Variants in TMPRSS15 observed in about 807,000 individuals in gnomAD.
TMPRSS15 encodes transmembrane serine protease 15.
TMPRSS15 carries 128 observed loss-of-function variants against 125.3 expected under a neutral mutation model. The observed-to-expected ratio is 1.02, with a 90% CI of 0.89 to 1.18. The LOEUF (loss-of-function observed/expected upper bound fraction) is 1.18, where lower values mean the gene tolerates loss of function less well. Ranked by LOEUF, TMPRSS15 falls within the 50% of genes most tolerant of loss-of-function variation. The pLI, the probability that TMPRSS15 is intolerant of heterozygous loss-of-function variation, is 0.00. For synonymous variants in TMPRSS15, 446 were observed against 423.2 expected, an observed-to-expected ratio of 1.05 and a Z score of -0.66; for missense variants, 1,283 against 1,212.7, an observed-to-expected ratio of 1.06 and a Z score of -0.86.
At chr21:18,372,995 TA>T (rs777027841) in intron 5 of TMPRSS15, among the ~76,000 whole-genome samples, 12 of 152,272 alleles carry the variant, frequency 7.9e-5, no homozygotes, top group East Asian at 1.9e-4. Context: ...TAAAGACTTT[TA>T]AAAAAAATTT....
chr21:18,297,952 AT>A (rs2146906578), intron 18 of TMPRSS15, 123 bp from the exon 19 acceptor site: 3 of 685,580 alleles, frequency 4.4e-6, no homozygotes, highest in Non-Finnish European at 7.5e-6. Context: ...AGCCAAAAAA[AT>A]GAACGTTTTA....
chr21:18,424,812 T>A (rs959628035), intron 1 of TMPRSS15, among the ~76,000 whole-genome samples: 1 of 150,344 alleles, frequency 6.7e-6, no homozygotes. Flanking sequence ...TTATATGCTA[T>A]TTGTTGTGTT....
chr21:18,405,043 C>G (rs2076139673), upstream of TMPRSS15, among the ~76,000 whole-genome samples: 1 of 151,970 alleles, frequency 6.6e-6, no homozygotes, highest in African/African-American at 2.4e-5. Flanking sequence ...ACAAAAAGCG[C>G]CTCTTGAATT....
At chr21:18,402,563 CATATAT>C (rs568712096) in intron 1 of TMPRSS15, among the ~76,000 whole-genome samples, 6 of 147,950 alleles carry the variant, frequency 4.1e-5, no homozygotes, top group African/African-American at 1.5e-4. Flanking sequence ...TTTATATGCA[CATATAT>C]ATATATAAAG....
intron 7 of TMPRSS15, among the ~76,000 whole-genome samples, chr21:18,360,816 A>T (rs1283539291): frequency 6.6e-6 from 1 of 150,416 alleles, no homozygotes; most frequent in Admixed American, 6.6e-5. Flanking sequence ...TCTGTAAAAA[A>T]CCTCCATTGG....
chr21:18,312,058 CA>C (rs2075106375), intron 18 of TMPRSS15, among the ~76,000 whole-genome samples: 1 of 151,956 alleles, frequency 6.6e-6, no homozygotes, highest in South Asian at 2.1e-4. Context: ...ATATGACAAA[CA>C]AACTTTAAAT....
At chr21:18,458,721 A>T (rs1978489882) in intron 1 of TMPRSS15, among the ~76,000 whole-genome samples, 1 of 152,132 alleles carries the variant, frequency 6.6e-6, no homozygotes, top group Non-Finnish European at 1.5e-5. Flanking sequence ...ATGTCTCCAT[A>T]ACACCCATAG....
rs147119055 is a variant in TMPRSS15 at position 18,288,325 on chromosome 21, T to C, written c.2486+5945A>G. Among the ~76,000 whole-genome samples, 413 of 152,120 alleles carry C rather than the reference T, an allele frequency of 2.7e-3. 1 individual carries two copies. The highest frequency in any genetic ancestry group is 4.9e-3 in the Non-Finnish European group (332 of 67,984). On this transcript the variant is annotated intron_variant, in intron 21 of 24. Coordinates refer to ENST00000284885, the MANE Select transcript of TMPRSS15 (RefSeq NM_002772.3). ...TGTGGAATGATAGATCAGAGAGAGTTAGAAGGATGGCGCTGTGGGAGGCGG... is the reference window on the plus strand; with the variant it reads ...TGTGGAATGATAGATCAGAGAGAGTCAGAAGGATGGCGCTGTGGGAGGCGG...
intron 10 of TMPRSS15, among the ~76,000 whole-genome samples, chr21:18,350,818 G>A (rs981203270): frequency 2.6e-5 from 4 of 151,550 alleles, no homozygotes; most frequent in African/African-American, 9.7e-5. Context: ...TTTCATGAGA[G>A]CAGAAAATTT....
intron 5 of TMPRSS15, among the ~76,000 whole-genome samples, chr21:18,372,776 T>C (rs570525766): frequency 6.6e-6 from 1 of 152,366 alleles, no homozygotes; most frequent in African/African-American, 2.4e-5. Context: ...GGGGGTACAC[T>C]GTAAACACAC....
At chr21:18,449,894 CA>C (rs2076263935) in intron 1 of TMPRSS15, among the ~76,000 whole-genome samples, 3 of 151,656 alleles carry the variant, frequency 2.0e-5, no homozygotes, top group African/African-American at 4.8e-5. Context: ...CACACACACA[CA>C]CACACCTATA....
At chr21:18,351,158 G>T (rs1421531827) in intron 10 of TMPRSS15, among the ~76,000 whole-genome samples, 1 of 151,896 alleles carries the variant, frequency 6.6e-6, no homozygotes, top group African/African-American at 2.4e-5. Flanking sequence ...TAATTTTCAG[G>T]TCTTAAAATC....
chr21:18,456,745 T>C (rs1198260097), intron 1 of TMPRSS15, among the ~76,000 whole-genome samples: 2 of 152,080 alleles, frequency 1.3e-5, no homozygotes, highest in Non-Finnish European at 2.9e-5. Context: ...ATAAAAGTAA[T>C]CAAAGCATAC....
chr21:18,396,833 T>TCTATCTAA (rs1432172196), intron 3 of TMPRSS15, among the ~76,000 whole-genome samples: 1 of 146,626 alleles, frequency 6.8e-6, no homozygotes, highest in Non-Finnish European at 1.5e-5. Context: ...TATCTATCTA[T>TCTATCTAA]CTATCTATCT....
intron 23 of TMPRSS15, 41 bp from the exon 24 acceptor site, chr21:18,275,377 T>G (rs2074607592): frequency 6.2e-7 from 1 of 1,611,374 alleles, no homozygotes; most frequent in Non-Finnish European, 8.5e-7. Flanking sequence ...TCAGAAGTGA[T>G]CAACATGCAT....
chr21:18,404,283 G>A (rs1241259307), upstream of TMPRSS15, among the ~76,000 whole-genome samples: 1 of 152,192 alleles, frequency 6.6e-6, no homozygotes, highest in Non-Finnish European at 1.5e-5. Flanking sequence ...ATAAGGGAAA[G>A]TACACTTAAA....
chr21:18,364,382 G>A (rs1198104197), intron 7 of TMPRSS15, among the ~76,000 whole-genome samples: 2 of 152,044 alleles, frequency 1.3e-5, no homozygotes, highest in African/African-American at 4.8e-5. Flanking sequence ...AGTTTTCATT[G>A]GAGACTTACA....
chr21:18,312,953 C>T lies in TMPRSS15; in HGVS notation c.2157G>A (p.Leu719=). Residue 719 remains leucine, a synonymous_variant, in exon 18 of 25, where the codon CTG becomes CTA. Transcript: ENST00000284885. ...TCAGTAGAATTACTTACCCTAGTCC[C>T]AGCAGTTGACAAACATCATTTGAAA... ...TQISNDVCQL[L]GLGSGNSSKP... 6.2e-7 allele frequency: 1 copy of T among 1,613,780 alleles called. No individual in the cohort carries two copies. The highest frequency in any genetic ancestry group is 1.1e-5 in the South Asian group (1 of 91,050).
At chr21:18,475,181 T>C (rs1978856066) in intron 1 of TMPRSS15, among the ~76,000 whole-genome samples, 1 of 152,236 alleles carries the variant, frequency 6.6e-6, no homozygotes, top group Non-Finnish European at 1.5e-5. Context: ...ACTTCAGTCA[T>C]GTATAAATGC....
Sources: allele counts gnomAD v4.1 joint callset (sites outside exome capture counted in the v4.1 genomes callset), GRCh38; gene constraint gnomAD v4.1.1; transcripts MANE v1.5; gene names NCBI Gene and HGNC (gene_info 2026-07-23, HGNC 2026-07-21).